The following UBE2G1 variants were observed in gnomAD, a reference collection of about 807,000 sequenced individuals.
The protein encoded by UBE2G1 is ubiquitin-conjugating enzyme E2 G1.
UBE2G1 carries 5 observed loss-of-function variants against 22.7 expected under a neutral mutation model. That is an observed-to-expected ratio of 0.22 (90% CI 0.12 to 0.46). The LOEUF is 0.46. Ranked by LOEUF, UBE2G1 falls within the 20% of genes least tolerant of loss-of-function variation. The probability of loss-of-function intolerance (pLI) is 0.99; values close to 1 mark genes in which losing one functional copy is unlikely to be tolerated. For missense variants in UBE2G1, 88 were observed against 203.9 expected (o/e 0.43, Z 3.46); for synonymous variants, 74 against 67.5 (o/e 1.10, Z -0.47).
intron 1 of UBE2G1, among the ~76,000 whole-genome samples, chr17:4,355,005 T>C (rs1338434709): frequency 2.0e-5 from 3 of 151,794 alleles, no homozygotes; most frequent in Non-Finnish European, 4.4e-5. Context: ...GGGAGGAGGA[T>C]TGCTTGAGCC....
intron 2 of UBE2G1, 89 bp downstream of exon 2, chr17:4,306,932 G>C: frequency 8.3e-7 from 1 of 1,200,042 alleles, no homozygotes; most frequent in Non-Finnish European, 1.2e-6. Context: ...TTACAGGTGT[G>C]AGCCACCGTG....
chr17:4,287,185 G>A (rs1479900937), intron 4 of UBE2G1, among the ~76,000 whole-genome samples: 1 of 149,554 alleles, frequency 6.7e-6, no homozygotes, highest in Non-Finnish European at 1.5e-5. Context: ...CTCACTGCAA[G>A]CACTGCCTCC....
intron 4 of UBE2G1, among the ~76,000 whole-genome samples, chr17:4,284,424 C>T (rs1012212662): frequency 3.3e-5 from 5 of 151,766 alleles, no homozygotes; most frequent in Admixed American, 2.6e-4. Flanking sequence ...CATGGTGAAA[C>T]CCCATCTCTA....
chr17:4,274,689 TA>T (rs1968801349), intron 5 of UBE2G1, among the ~76,000 whole-genome samples: 1 of 152,070 alleles, frequency 6.6e-6, no homozygotes, highest in African/African-American at 2.4e-5. Flanking sequence ...AAGTAACAAA[TA>T]TATCACCTTC....
At chr17:4,321,152 A>C (rs1480986130) in intron 1 of UBE2G1, among the ~76,000 whole-genome samples, 3 of 152,160 alleles carry the variant, frequency 2.0e-5, no homozygotes, top group Non-Finnish European at 4.4e-5. Flanking sequence ...CCCATCTTAA[A>C]AAAAAATTAA....
At chr17:4,276,438 C>T (rs186389320) in intron 5 of UBE2G1, among the ~76,000 whole-genome samples, 3 of 152,262 alleles carry the variant, frequency 2.0e-5, no homozygotes, top group African/African-American at 2.4e-5. Flanking sequence ...GGATTACAGG[C>T]GTGAGCCACT....
chr17:4,270,052 G>C lies in UBE2G1; in HGVS notation c.*2502C>G, dbSNP rs1357267710. The C allele has an allele frequency of 2.0e-5, 3 of 152,478 alleles. No individual in the cohort carries two copies. The highest frequency in any genetic ancestry group is 2.9e-5 in the Non-Finnish European group (2 of 68,032). The allele number at this position is 152,478 out of a possible 1,614,324, so 9.4% of individuals were successfully genotyped here. A position where few individuals can be genotyped will look rare whatever the true frequency, so the allele number is the denominator to read the frequency against. On this transcript the variant is annotated 3_prime_UTR_variant, in exon 6 of 6. Transcript: ENST00000396981. ...GTAACATCTATGTAGGCCTGTTTCA[G>C]TATGTAACACACTCAGGGCAGGTGG...
intron 1 of UBE2G1, among the ~76,000 whole-genome samples, chr17:4,329,738 C>A (rs965962499): frequency 3.3e-5 from 5 of 151,960 alleles, no homozygotes; most frequent in Non-Finnish European, 5.9e-5. Context: ...TTTTTTGTAA[C>A]CAATTCATAA....
chr17:4,341,728 T>C (rs555034851), intron 1 of UBE2G1, among the ~76,000 whole-genome samples: 1 of 152,286 alleles, frequency 6.6e-6, no homozygotes, highest in South Asian at 2.1e-4. Context: ...TCTCTCAGGC[T>C]CATACCAATC....
chr17:4,332,047 T>C (rs1969584740), intron 1 of UBE2G1: 2 of 152,236 alleles, frequency 1.3e-5, no homozygotes, highest in African/African-American at 2.4e-5. Context: ...TTCATTATCC[T>C]TCACTGAATG....
At chr17:4,362,116 G>C (rs1969975902) in intron 1 of UBE2G1, among the ~76,000 whole-genome samples, 1 of 152,088 alleles carries the variant, frequency 6.6e-6, no homozygotes, top group Non-Finnish European at 1.5e-5. Context: ...TGTTTTAAAA[G>C]TATCTCCTGT....
At chr17:4,338,082 A>G (rs540008352) in intron 1 of UBE2G1, among the ~76,000 whole-genome samples, 6 of 152,130 alleles carry the variant, frequency 3.9e-5, no homozygotes, top group Non-Finnish European at 8.8e-5. Context: ...AGGCAGGAGA[A>G]CTGCTTGAAC....
intron 1 of UBE2G1, among the ~76,000 whole-genome samples, chr17:4,310,428 A>T (rs925445010): frequency 6.6e-6 from 1 of 152,208 alleles, no homozygotes; most frequent in Non-Finnish European, 1.5e-5. Flanking sequence ...GAAAAGAAAT[A>T]AAGGATTTGG....
At chr17:4,285,039 T>TTA (rs1414730001) in intron 4 of UBE2G1, among the ~76,000 whole-genome samples, 1 of 151,998 alleles carries the variant, frequency 6.6e-6, no homozygotes, top group African/African-American at 2.4e-5. Context: ...AGATGGGGTT[T>TTA]TACCATGTCG....
intron 1 of UBE2G1, chr17:4,345,879 T>A (rs1167460680): frequency 6.6e-6 from 1 of 152,192 alleles, no homozygotes; most frequent in Non-Finnish European, 1.5e-5. Flanking sequence ...GAAGAACAAC[T>A]CTTATTTAAG....
intron 2 of UBE2G1, chr17:4,302,175 A>ACAGACAAATTTGGATTTTCTTTC (rs2143722293): frequency 3.9e-6 from 2 of 514,238 alleles, no homozygotes; most frequent in Non-Finnish European, 7.9e-6. Flanking sequence ...AGTTTTCTTT[A>ACAGACAAATTTGGATTTTCTTTC]CAGACAAATT....
intron 1 of UBE2G1, among the ~76,000 whole-genome samples, chr17:4,315,159 A>AT (rs1598191100): frequency 6.6e-6 from 1 of 152,154 alleles, no homozygotes; most frequent in African/African-American, 2.4e-5. Context: ...GAGGGCTAAG[A>AT]TAGGTGAAAC....
intron 1 of UBE2G1, among the ~76,000 whole-genome samples, chr17:4,316,124 G>A (rs1343797686): frequency 6.6e-6 from 1 of 151,932 alleles, no homozygotes; most frequent in African/African-American, 2.4e-5. Context: ...ACCAATTGTT[G>A]GCTAAGTCTA....
At chr17:4,312,030 TGAG>T (rs967073527) in intron 1 of UBE2G1, among the ~76,000 whole-genome samples, 4 of 12,698 alleles carry the variant, frequency 3.2e-4, no homozygotes, top group African/African-American at 8.4e-5. Context: ...GTGGATCATC[TGAG>T]GTGAGGGAGT....
Sources: allele counts gnomAD v4.1 joint callset (sites outside exome capture counted in the v4.1 genomes callset), GRCh38; gene constraint gnomAD v4.1.1; transcripts MANE v1.5; gene names NCBI Gene and HGNC (gene_info 2026-07-23, HGNC 2026-07-21).